The following TCF4 variants were observed in gnomAD, a reference collection of about 807,000 sequenced individuals.
The protein encoded by TCF4 is transcription factor 4.
A neutral mutation model predicts 82.1 loss-of-function variants in TCF4; 3 were observed. That is an observed-to-expected ratio of 0.04 (90% CI 0.02 to 0.09). TCF4 has a LOEUF of 0.09. TCF4 is among the 10% of genes least tolerant of loss of function. The pLI is 1.00. For missense variants in TCF4, 518 were observed against 852.7 expected (o/e 0.61, Z 4.89); for synonymous variants, 276 against 309.6 (o/e 0.89, Z 1.14).
intron 5 of TCF4, among the ~76,000 whole-genome samples, chr18:55,436,137 C>G (rs72928904): frequency 0.031 from 4,777 of 152,248 alleles, 100 homozygotes; most frequent in Non-Finnish European, 0.048. Flanking sequence ...TCCAATTATG[C>G]AATATGTTTT....
At chr18:55,524,209 T>A (rs917069021) in intron 3 of TCF4, among the ~76,000 whole-genome samples, 1 of 152,076 alleles carries the variant, frequency 6.6e-6, no homozygotes, top group African/African-American at 2.4e-5. Flanking sequence ...TTCTACTAGA[T>A]CACGTCCTGT....
At chr18:55,238,997 G>A (rs748247007) in intron 15 of TCF4, among the ~76,000 whole-genome samples, 3 of 152,096 alleles carry the variant, frequency 2.0e-5, no homozygotes, top group Non-Finnish European at 4.4e-5. Context: ...AAACACAGGC[G>A]GCTTGGCCTG....
chr18:55,520,191 T>C (rs1411993933), intron 3 of TCF4, among the ~76,000 whole-genome samples: 1 of 152,218 alleles, frequency 6.6e-6, no homozygotes, highest in Admixed American at 6.5e-5. Context: ...AGAATGTCTC[T>C]AGGAATCAAT....
At chr18:55,534,430 A>G (rs76688474) in intron 3 of TCF4, among the ~76,000 whole-genome samples, 2,850 of 152,298 alleles carry the variant, frequency 0.019, 104 homozygotes, top group African/African-American at 0.066. Context: ...AGAGACACAT[A>G]AGTGAGGGAT....
intron 3 of TCF4, among the ~76,000 whole-genome samples, chr18:55,540,277 C>T (rs1035614907): frequency 3.3e-5 from 5 of 152,152 alleles, no homozygotes; most frequent in African/African-American, 1.2e-4. Context: ...CACAGGAAAT[C>T]TGCAGAACCC....
intron 3 of TCF4, among the ~76,000 whole-genome samples, chr18:55,472,518 T>C (rs939391410): frequency 3.3e-5 from 5 of 152,150 alleles, no homozygotes; most frequent in African/African-American, 1.2e-4. Flanking sequence ...AGTTAGTCGT[T>C]TGGGGATCCT....
chr18:55,486,723 G>A (rs1023859565), intron 3 of TCF4, among the ~76,000 whole-genome samples: 3 of 151,754 alleles, frequency 2.0e-5, no homozygotes, highest in Non-Finnish European at 4.4e-5. Context: ...AAAGGGTAAC[G>A]CTTTAACTCA....
chr18:55,377,750 T>C (rs1044641558), intron 6 of TCF4, among the ~76,000 whole-genome samples: 2 of 152,214 alleles, frequency 1.3e-5, no homozygotes, highest in Non-Finnish European at 2.9e-5. Context: ...GCATTGAACA[T>C]CTACAAAAAT....
intron 5 of TCF4, among the ~76,000 whole-genome samples, chr18:55,425,134 G>A (rs2094925020): frequency 6.6e-6 from 1 of 152,184 alleles, no homozygotes; most frequent in South Asian, 2.1e-4. Context: ...GAAGCTTCAT[G>A]TAATGGTGGA....
chr18:55,632,503 C>T (rs2097732588), intron 1 of TCF4, among the ~76,000 whole-genome samples: 1 of 152,164 alleles, frequency 6.6e-6, no homozygotes, highest in Non-Finnish European at 1.5e-5. Context: ...GTAAAGATCA[C>T]ACCAAGTCTT....
At chr18:55,617,415 A>T (rs2147974646) in intron 2 of TCF4, among the ~76,000 whole-genome samples, 1 of 152,130 alleles carries the variant, frequency 6.6e-6, no homozygotes, top group Middle Eastern at 3.4e-3. Flanking sequence ...GCTATTTGAG[A>T]TCTTTTGTGG....
intron 4 of TCF4, among the ~76,000 whole-genome samples, chr18:55,463,598 G>T (rs2095921682): frequency 6.6e-6 from 1 of 152,148 alleles, no homozygotes; most frequent in South Asian, 2.1e-4. Flanking sequence ...AATCAACTCA[G>T]ATTCAGTACG....
At chr18:55,417,452 C>T (rs1191413239) in intron 5 of TCF4, among the ~76,000 whole-genome samples, 1 of 152,124 alleles carries the variant, frequency 6.6e-6, no homozygotes, top group Non-Finnish European at 1.5e-5. Context: ...TTAAGTAAAA[C>T]TAGTTTTCAA....
At position 55,586,154 on chromosome 18, in the gene TCF4, AGCAGCAGCAGC is replaced by A; in HGVS notation, c.73-813_73-803del. The A allele has an allele frequency of 6.0e-5, 5 of 82,828 alleles. 1 individual carries two copies. The highest frequency in any genetic ancestry group is 1.0e-4 in the Non-Finnish European group (5 of 49,564). 5.1% of individuals were successfully genotyped at this position (82,828 alleles called of 1,614,324 possible). ...GAGGAGAAGGAGGAGGAGGAGGAGGAGCAGCAGCAGCAGCAGCAGCAGCAGCAGCAGCAGCA... is the reference window on the plus strand; with the variant it reads ...GAGGAGAAGGAGGAGGAGGAGGAGGAAGCAGCAGCAGCAGCAGCAGCAGCA... On this transcript the variant is annotated intron_variant, in intron 2 of 19. Transcript: ENST00000354452.
intron 3 of TCF4, among the ~76,000 whole-genome samples, chr18:55,474,907 T>C (rs759714960): frequency 2.0e-5 from 3 of 152,172 alleles, no homozygotes. Flanking sequence ...CCCAAGTAGC[T>C]GGGACTGCCA....
chr18:55,555,774 A>G (rs1386710378), intron 3 of TCF4, among the ~76,000 whole-genome samples: 1 of 152,196 alleles, frequency 6.6e-6, no homozygotes, highest in African/African-American at 2.4e-5. Flanking sequence ...TTAGAAAGCA[A>G]TTACAGCTTA....
chr18:55,478,648 C>A (rs933823024), intron 3 of TCF4, among the ~76,000 whole-genome samples: 1 of 151,932 alleles, frequency 6.6e-6, no homozygotes, highest in African/African-American at 2.4e-5. Context: ...AAACAATATA[C>A]AGCCATGCAA....
intron 8 of TCF4, among the ~76,000 whole-genome samples, chr18:55,317,446 T>G (rs2074421442): frequency 6.6e-6 from 1 of 152,042 alleles, no homozygotes; most frequent in African/African-American, 2.4e-5. Flanking sequence ...AAATGTAATT[T>G]GCATAGTTGA....
Position 55,397,146 on chromosome 18 carries a change from T to C in TCF4, c.369+6308A>G, listed in dbSNP as rs542921560. ...ATTCCTTTACAATGGAACAATCCAG[T>C]GGTCACCACTTTTGCCAAGTGATTA... On this transcript the variant is annotated intron_variant, in intron 6 of 19. Transcript: ENST00000354452. Among the ~76,000 whole-genome samples, 58 of 152,324 alleles carry C rather than the reference T, an allele frequency of 3.8e-4. No homozygotes were observed. In the South Asian group the frequency reaches 4.1e-3, roughly 11 times the overall value.
Sources: gnomAD v4.1 joint callset for allele counts (sites outside exome capture counted in the v4.1 genomes callset) on GRCh38, gnomAD v4.1.1 for gene constraint, MANE v1.5 for transcripts, NCBI Gene and HGNC (gene_info 2026-07-23, HGNC 2026-07-21) for gene names.